USP25: variants seen among roughly 807,000 people sequenced by gnomAD.
USP25 encodes the protein ubiquitin specific peptidase 25, also known as ubiquitin carboxyl-terminal hydrolase 25.
In USP25, 85 loss-of-function variants were observed where a neutral mutation model predicts 158.5. That is an observed-to-expected ratio of 0.54 (90% CI 0.45 to 0.64). The LOEUF (loss-of-function observed/expected upper bound fraction) is 0.64. USP25 is among the 30% of genes least tolerant of loss of function. USP25 has a pLI of 0.00. For synonymous variants in USP25, 464 were observed against 460.4 expected (o/e 1.01, Z -0.10); for missense variants, 1,242 against 1,327.3 (o/e 0.94, Z 1.00).
chr21:15,818,023 T>C (rs570689494), intron 9 of USP25, among the ~76,000 whole-genome samples: 1 of 152,252 alleles, frequency 6.6e-6, no homozygotes, highest in Admixed American at 6.5e-5. Context: ...TACACTAACC[T>C]CCTGTTAGTT....
Position 15,847,681 on chromosome 21 carries a change from A to G in USP25, c.2356A>G (p.Ser786Gly). 1 of 1,550,010 alleles carries G rather than the reference A, an allele frequency of 6.5e-7. No individual in the cohort carries two copies. The highest frequency in any genetic ancestry group is 1.4e-5 in the African/African-American group (1 of 73,122). ...TCTGCAGAAACCTGAAAATACTACA[A>G]GCCAACCACTTTCTAATCAGCGAGT... Reference protein sequence around the residue: ...VLQSKPENTTSQPLSNQRVVE... With the variant: ...VLQSKPENTTGQPLSNQRVVE... Residue 786 changes from serine to glycine, a missense_variant, in exon 19 of 26, where the codon AGC (serine) becomes GGC (glycine). Coordinates refer to ENST00000400183, the MANE Select transcript of USP25 (RefSeq NM_001283041.3).
At chr21:15,810,352 C>A (rs2823497) in intron 8 of USP25, among the ~76,000 whole-genome samples, 30,410 of 151,958 alleles carry the variant, frequency 0.2, 4,742 homozygotes, top group African/African-American at 0.44. Flanking sequence ...AACAATACTT[C>A]ACAAATCAAT....
rs762586045 is a variant in USP25 at position 15,833,543 on chromosome 21, C to T, written c.2189C>T (p.Thr730Ile). ...TTGAGAGAGTCAGAGACTTCTGTGA[C>T]AACAGGTTTGTCCATTTTTATTAAG... Reference protein sequence around the residue: ...QKLRESETSVTTAQAAGDPEY... With the variant: ...QKLRESETSVITAQAAGDPEY... Residue 730 changes from threonine (T) to isoleucine (I), a missense_variant, in exon 17 of 26, where the codon ACA becomes ATA. Thr to Ile is a moderately conservative substitution (Grantham distance 89, BLOSUM62 -1). Transcript: ENST00000400183. 78 of 1,612,148 alleles carry T rather than the reference C, an allele frequency of 4.8e-5. No individual in the cohort carries two copies. The highest frequency in any genetic ancestry group is 4.9e-5 in the Non-Finnish European group (58 of 1,179,244).
chr21:15,827,686 G>C (rs1438486967), intron 14 of USP25, among the ~76,000 whole-genome samples: 1 of 151,976 alleles, frequency 6.6e-6, no homozygotes, highest in Non-Finnish European at 1.5e-5. Flanking sequence ...GTCTGTAACA[G>C]AGTTTTTACT....
chr21:15,788,209 T>C (rs2035402744), intron 4 of USP25, among the ~76,000 whole-genome samples: 1 of 151,948 alleles, frequency 6.6e-6, no homozygotes, highest in Non-Finnish European at 1.5e-5. Flanking sequence ...ACCTGGATTT[T>C]AGCCACTGCA....
chr21:15,744,264 ATTACT>A (rs1418172294), intron 1 of USP25: 1 of 152,438 alleles, frequency 6.6e-6, no homozygotes, highest in Non-Finnish European at 1.5e-5. Context: ...GGGGTTTGCC[ATTACT>A]TTATTTTTGT....
At chr21:15,808,703 G>T in intron 7 of USP25, 106 bp from the exon 8 acceptor site, 1 of 685,166 alleles carries the variant, frequency 1.5e-6, no homozygotes, top group South Asian at 2.5e-5. Flanking sequence ...TTTGTAAGGA[G>T]TTGGTAATTA....
At chr21:15,823,634 A>T (rs1042293135) in intron 10 of USP25, among the ~76,000 whole-genome samples, 2 of 152,076 alleles carry the variant, frequency 1.3e-5, no homozygotes, top group African/African-American at 4.8e-5. Flanking sequence ...ACTCCCTCTC[A>T]TAAGTTATTT....
intron 2 of USP25, among the ~76,000 whole-genome samples, chr21:15,764,096 C>T (rs1162744721): frequency 2.6e-5 from 4 of 152,020 alleles, no homozygotes; most frequent in African/African-American, 7.2e-5. Context: ...AGCATTAATG[C>T]GGGGTGTATG....
intron 3 of USP25, among the ~76,000 whole-genome samples, chr21:15,774,480 A>G (rs1041887888): frequency 1.3e-5 from 2 of 152,132 alleles, no homozygotes; most frequent in Non-Finnish European, 2.9e-5. Flanking sequence ...CCTTAAAGCA[A>G]CAGGCTCACT....
rs1275090030 is a variant in USP25 at position 15,730,391 on chromosome 21, G to T, written c.-3G>T. The stretch of plus-strand genomic sequence containing the variant: ...CGCCGCCGCCGCCGCCGCCGCGGGG[G>T]CCATGACCGTGGAGCAGAACGTGCT... On this transcript the variant is annotated 5_prime_UTR_variant, in exon 1 of 26. Coordinates refer to ENST00000400183, the MANE Select transcript of USP25 (RefSeq NM_001283041.3). The T allele has an allele frequency of 7.7e-7, 1 of 1,303,594 alleles. No homozygotes were observed. The highest frequency in any genetic ancestry group is 9.8e-7 in the Non-Finnish European group (1 of 1,019,752). 80.8% of individuals were successfully genotyped at this position (1,303,594 alleles called of 1,614,324 possible).
chr21:15,875,908 A>G lies in USP25; in HGVS notation c.3009+1382A>G, dbSNP rs576777716. The G allele has an allele frequency of 3.3e-5, 5 of 152,260 alleles. No homozygotes were observed. In the South Asian group the frequency reaches 1.0e-3, roughly 31 times the overall value. The allele number at this position is 152,260 out of a possible 1,614,324, so 9.4% of individuals were successfully genotyped here. A position where few individuals can be genotyped will look rare whatever the true frequency, so the allele number is the denominator to read the frequency against. On this transcript the variant is annotated intron_variant, in intron 24 of 25. Coordinates refer to ENST00000400183, the MANE Select transcript of USP25 (RefSeq NM_001283041.3). This position sits in a 1 kb window ranked among gnomAD's most constrained non-coding sequence, Gnocchi z 4.7. ...ATTCTGGTAATAATAATAGCATTCT[A>G]GAGGATGAACAGGAAAGAAGTAGAT...
chr21:15,818,479 A>C (rs943758971), intron 9 of USP25, among the ~76,000 whole-genome samples: 1 of 152,206 alleles, frequency 6.6e-6, no homozygotes, highest in Non-Finnish European at 1.5e-5. Context: ...ATATGTGTGT[A>C]TATAATTACA....
chr21:15,829,944 G>T (rs1489448379), intron 14 of USP25, among the ~76,000 whole-genome samples: 1 of 152,116 alleles, frequency 6.6e-6, no homozygotes, highest in Non-Finnish European at 1.5e-5. Flanking sequence ...TTCACAATAT[G>T]ATGTGGTTAC....
chr21:15,845,389 C>T (rs1024315504), intron 18 of USP25, among the ~76,000 whole-genome samples: 2 of 152,094 alleles, frequency 1.3e-5, no homozygotes, highest in Non-Finnish European at 2.9e-5. Flanking sequence ...ATGTATTTTA[C>T]TCTAGTGAGC....
At chr21:15,785,625 C>A (rs537916437) in intron 4 of USP25, among the ~76,000 whole-genome samples, 16 of 152,052 alleles carry the variant, frequency 1.1e-4, no homozygotes, top group Middle Eastern at 6.8e-3. Flanking sequence ...GACAAAGGAG[C>A]GTGGAAACAC....
Position 15,866,358 on chromosome 21 carries a change from T to G in USP25, c.2805+14T>G. 6.3e-7 allele frequency: 1 copy of G among 1,582,570 alleles called. No individual in the cohort carries two copies. Among genetic ancestry groups the G allele is most frequent in the East Asian group, 2.3e-5 (1 of 43,544 alleles). On this transcript the variant is annotated intron_variant, in intron 22 of 25. Transcript: ENST00000400183. ...GAGGAATATGAGGTAATGTGCTTTC[T>G]TAGAGGTTAAACTACAGATTTAGGG...
chr21:15,800,588 A>G (rs1002514632), intron 6 of USP25, among the ~76,000 whole-genome samples: 3 of 151,362 alleles, frequency 2.0e-5, no homozygotes, highest in Non-Finnish European at 4.4e-5. Context: ...CACAGAATTT[A>G]TACCTAATGG....
In USP25 at chr21:15,827,201, G is replaced by C. The variant is rs1273852597; in HGVS notation, c.1691G>C (p.Arg564Thr). ...RWRTEIENDT[R>T]DLQESISRIH... ...AGGACAGAAATAGAAAATGACACCA[G>C]AGGTAAGAAGTGTCTCATAGCATGG... The change falls in exon 14 of 26, where the codon AGA becomes ACA. Residue 564 changes from arginine to threonine, a missense_variant and splice_region_variant. Around this residue, in one of 3 missense-constraint regions of USP25, gnomAD observed 627 missense variants for 701.4 expected, o/e 0.89. Coordinates refer to ENST00000400183, the MANE Select transcript of USP25 (RefSeq NM_001283041.3). 1.2e-6 allele frequency: 2 copies of C among 1,613,212 alleles called. No homozygotes were observed. Among genetic ancestry groups the C allele is most frequent in the Admixed American group, 1.7e-5 (1 of 59,990 alleles).
Sources: allele counts gnomAD v4.1 joint callset (sites outside exome capture counted in the v4.1 genomes callset), GRCh38; gene constraint gnomAD v4.1.1; regional missense constraint gnomAD v4.1.1; non-coding constraint Gnocchi (gnomAD v3.1); transcripts MANE v1.5; gene names NCBI Gene and HGNC (gene_info 2026-07-23, HGNC 2026-07-21).